ATP2C2: variants seen among roughly 807,000 people sequenced by gnomAD.
The protein encoded by ATP2C2 is calcium-transporting ATPase type 2C member 2.
ATP2C2 carries 171 observed loss-of-function variants against 110.8 expected under a neutral mutation model. The ratio of observed to expected loss-of-function variants is 1.54; its 90% CI spans 1.36 to 1.75. The LOEUF (loss-of-function observed/expected upper bound fraction) is 1.75, where lower values mean the gene tolerates loss of function less well. Ranked by LOEUF, ATP2C2 falls within the 40% of genes most tolerant of loss-of-function variation. ATP2C2 has a pLI of 0.00. For synonymous variants in ATP2C2, 804 were observed against 508.4 expected, an observed-to-expected ratio of 1.58 and a Z score of -7.82; for missense variants, 1,963 against 1,235.0, an observed-to-expected ratio of 1.59 and a Z score of -8.84.
chr16:84,453,148 C>G lies in ATP2C2; in HGVS notation c.1842C>G (p.Ile614Met). The G allele has an allele frequency of 6.2e-7, 1 of 1,611,594 alleles. No individual in the cohort carries two copies. The highest frequency in any genetic ancestry group is 8.5e-7 in the Non-Finnish European group (1 of 1,178,770). The stretch of plus-strand genomic sequence containing the variant: ...CAGGTTCTTCTGAAGGAAGAAACAT[C>G]GGCCTGTGCAACGGGAAGCTGCAAG... ...LETALAIGRNIGLCNGKLQAM... is the reference protein window; with the variant it reads ...LETALAIGRNMGLCNGKLQAM... Residue 614 changes from isoleucine (I) to methionine (M), a missense_variant, in exon 19 of 27, where the codon ATC (isoleucine) becomes ATG (methionine). Physicochemically the swap from Ile to Met is conservative, Grantham distance 10 (BLOSUM62 1). Coordinates refer to ENST00000262429, the MANE Select transcript of ATP2C2 (RefSeq NM_014861.4).
rs779083972 is a variant in ATP2C2 at position 84,459,181 on chromosome 16, C to G, written c.2209C>G (p.Leu737Val). Reference sequence around the variant, plus strand: ...CATCAAAAACTTTGTCCGATTCCAGCTGAGCACGTAAGTAGAGGCCAGCAT... The same window carrying G: ...CATCAAAAACTTTGTCCGATTCCAGGTGAGCACGTAAGTAGAGGCCAGCAT... ...YNIKNFVRFQ[L>V]STSISALSLI... The change falls in exon 22 of 27, where the codon CTG becomes GTG. Residue 737 changes from leucine (L) to valine (V), a missense_variant. Leu to Val is a conservative substitution (Grantham distance 32). Coordinates refer to ENST00000262429, the MANE Select transcript of ATP2C2 (RefSeq NM_014861.4). The G allele has an allele frequency of 4.3e-6, 7 of 1,614,100 alleles. No individual in the cohort carries two copies. Among genetic ancestry groups the G allele is most frequent in the East Asian group, 2.2e-5 (1 of 44,904 alleles).
chr16:84,401,469 T>G (rs1019248295), intron 2 of ATP2C2, among the ~76,000 whole-genome samples: 1 of 152,098 alleles, frequency 6.6e-6, no homozygotes, highest in African/African-American at 2.4e-5. Context: ...AGGTAATCTG[T>G]CCACCTCATC....
Position 84,461,544 on chromosome 16 carries a change from G to C in ATP2C2, c.2482-170G>C, listed in dbSNP as rs750938466. On this transcript the variant is annotated intron_variant, in intron 24 of 26. Transcript: ENST00000262429. ...ATCAGCATGTGCTGGGGAGACCCTGGGGTAGCAGCCACTGACCTCACACCT... is the reference window on the plus strand; with the variant it reads ...ATCAGCATGTGCTGGGGAGACCCTGCGGTAGCAGCCACTGACCTCACACCT... 84 of 691,800 alleles carry C rather than the reference G, an allele frequency of 1.2e-4. 1 individual carries two copies. Among genetic ancestry groups the C allele is most frequent in the Admixed American group, 4.6e-4 (22 of 47,452 alleles). The allele number at this position is 691,800 out of a possible 1,614,324, so 42.9% of individuals were successfully genotyped here.
chr16:84,459,476 G>A (rs750091438), intron 23 of ATP2C2, 90 bp downstream of exon 23: 1 of 1,598,420 alleles, frequency 6.3e-7, no homozygotes, highest in African/African-American at 1.3e-5. Context: ...AAGGCTATAG[G>A]GATGAACAAA....
At chr16:84,376,614 A>G (rs2012232) in intron 1 of ATP2C2, among the ~76,000 whole-genome samples, 87,153 of 151,756 alleles carry the variant, frequency 0.57, 25,143 homozygotes, top group South Asian at 0.62. Context: ...TCTTCTTCCA[A>G]TGTGGCCCAG....
chr16:84,416,592 C>G (rs1055602076), intron 7 of ATP2C2, among the ~76,000 whole-genome samples: 1 of 152,154 alleles, frequency 6.6e-6, no homozygotes, highest in African/African-American at 2.4e-5. Context: ...GGGGCCAGGG[C>G]TTATGTGTGG....
At chr16:84,380,396 T>C (rs1910505968) in intron 1 of ATP2C2, among the ~76,000 whole-genome samples, 1 of 152,188 alleles carries the variant, frequency 6.6e-6, no homozygotes, top group African/African-American at 2.4e-5. Flanking sequence ...CTGTCTAAAC[T>C]TGTCTTAAGT....
chr16:84,402,476 C>G (rs1905393197), intron 2 of ATP2C2, among the ~76,000 whole-genome samples: 1 of 152,108 alleles, frequency 6.6e-6, no homozygotes, highest in Admixed American at 6.5e-5. Flanking sequence ...AGACATGTTC[C>G]TTCTATACCT....
intron 21 of ATP2C2, among the ~76,000 whole-genome samples, chr16:84,455,233 T>G (rs3815963): frequency 0.26 from 40,222 of 151,802 alleles, 6,267 homozygotes; most frequent in East Asian, 0.6. Context: ...GTTACGGATA[T>G]GAAGCAGAGA....
chr16:84,371,324 C>G (rs1190406088), intron 1 of ATP2C2, among the ~76,000 whole-genome samples: 1 of 152,140 alleles, frequency 6.6e-6, no homozygotes, highest in East Asian at 1.9e-4. Context: ...CAAGATCAGC[C>G]TGGGCAACAT....
intron 1 of ATP2C2, among the ~76,000 whole-genome samples, chr16:84,397,418 T>G (rs1905053052): frequency 6.6e-6 from 1 of 151,682 alleles, no homozygotes; most frequent in Non-Finnish European, 1.5e-5. Context: ...ATTCTACATA[T>G]GTATATTGTT....
chr16:84,377,384 G>T (rs1346487323), intron 1 of ATP2C2, among the ~76,000 whole-genome samples: 1 of 152,126 alleles, frequency 6.6e-6, no homozygotes, highest in Non-Finnish European at 1.5e-5. Flanking sequence ...GAATCCCAAA[G>T]GTGTCCAGCC....
chr16:84,397,223 G>A (rs1905040406), intron 1 of ATP2C2, among the ~76,000 whole-genome samples: 1 of 151,654 alleles, frequency 6.6e-6, no homozygotes, highest in African/African-American at 2.4e-5. Context: ...CTTCTTTCCA[G>A]GCCCGCAGGT....
At position 84,398,721 on chromosome 16, in the gene ATP2C2, T is replaced by A. The variant is rs966215866; in HGVS notation, c.210+112T>A. 7.1e-6 allele frequency: 6 copies of A among 841,266 alleles called. No homozygotes were observed. In the African/African-American group the frequency reaches 1.1e-4, roughly 15 times the overall value. 52.1% of individuals were successfully genotyped at this position (841,266 alleles called of 1,614,324 possible). A position where few individuals can be genotyped will look rare whatever the true frequency, so the allele number is the denominator to read the frequency against. Reference sequence around the variant, plus strand: ...AAATTCTGTGTTATTATCAATTTTATCATCAAGGTTGGAAAATATTGTTGA... The same window carrying A: ...AAATTCTGTGTTATTATCAATTTTAACATCAAGGTTGGAAAATATTGTTGA... On this transcript the variant is annotated intron_variant, in intron 2 of 26. Coordinates refer to ENST00000262429, the MANE Select transcript of ATP2C2 (RefSeq NM_014861.4).
chr16:84,405,170 C>CGCCG lies in ATP2C2; in HGVS notation c.256_259dup (p.Leu87ProfsTer8). The CGCCG allele has an allele frequency of 6.2e-7, 1 of 1,613,778 alleles. No individual in the cohort carries two copies. Among genetic ancestry groups the CGCCG allele is most frequent in the Non-Finnish European group, 8.5e-7 (1 of 1,179,950 alleles). ...GCTGTCGGAGTTCTCGGTGACGCAG[C>CGCCG]GCCGGCTGGCCCATGGCTGGAATGA... On this transcript the variant is annotated frameshift_variant, in exon 3 of 27. Coordinates refer to ENST00000262429, the MANE Select transcript of ATP2C2 (RefSeq NM_014861.4). LOFTEE classifies it high-confidence loss of function.
In ATP2C2 at chr16:84,463,895, G is replaced by C; in HGVS notation, c.*163G>C. ...GCTGCAGGAACCTCGTGGGCTCCAG[G>C]GACCCAGGCCCACATCCATCCAGCG... is the stretch of plus-strand genomic sequence containing the variant. On this transcript the variant is annotated 3_prime_UTR_variant, in exon 27 of 27. Coordinates refer to ENST00000262429, the MANE Select transcript of ATP2C2 (RefSeq NM_014861.4). 1.5e-6 allele frequency: 1 copy of C among 651,618 alleles called. No homozygotes were observed. The highest frequency in any genetic ancestry group is 2.7e-6 in the Non-Finnish European group (1 of 374,642). 40.4% of individuals were successfully genotyped at this position (651,618 alleles called of 1,614,324 possible).
chr16:84,410,664 C>T, intron 5 of ATP2C2, 40 bp from the exon 6 acceptor site: 8 of 1,613,610 alleles, frequency 5.0e-6, no homozygotes, highest in Non-Finnish European at 5.9e-6. Context: ...TTCATGGAGT[C>T]CCCACCTTTA....
intron 1 of ATP2C2, among the ~76,000 whole-genome samples, chr16:84,391,913 CTCTT>C (rs1904686549): frequency 6.6e-6 from 1 of 151,418 alleles, no homozygotes; most frequent in Non-Finnish European, 1.5e-5. Context: ...TCCTTCCTTC[CTCTT>C]TTTTTTTTTA....
At chr16:84,430,532 T>G (rs969981737) in intron 11 of ATP2C2, among the ~76,000 whole-genome samples, 1 of 148,276 alleles carries the variant, frequency 6.7e-6, no homozygotes, top group African/African-American at 2.5e-5. Context: ...TCCCAGCTAC[T>G]GGGGGGCAGA....
Sources: allele counts gnomAD v4.1 joint callset (sites outside exome capture counted in the v4.1 genomes callset), GRCh38; gene constraint gnomAD v4.1.1; transcripts MANE v1.5; gene names NCBI Gene and HGNC (gene_info 2026-07-23, HGNC 2026-07-21).